Variants in AHSA1 observed in about 807,000 individuals in gnomAD.
The protein encoded by AHSA1 is activator of 90 kDa heat shock protein ATPase homolog 1.
Under a neutral mutation model 46.1 loss-of-function variants are expected in AHSA1, and 14 were observed. The ratio of observed to expected loss-of-function variants is 0.30; its 90% CI spans 0.20 to 0.47. The LOEUF is 0.47. AHSA1 is among the 20% of genes least tolerant of loss of function. The pLI, the probability that AHSA1 is intolerant of heterozygous loss-of-function variation, is 0.99. For missense variants in AHSA1, 333 were observed against 415.9 expected (o/e 0.80, Z 1.73); for synonymous variants, 147 against 145.8 (o/e 1.01, Z -0.06).
At chr14:77,462,866 G>T (rs2079031689) in intron 4 of AHSA1, 107 bp downstream of exon 4, 1 of 919,974 alleles carries the variant, frequency 1.1e-6, no homozygotes. Context: ...AAAGATTTGG[G>T]GGGAGGGGGC....
intron 1 of AHSA1, among the ~76,000 whole-genome samples, chr14:77,458,631 GA>G: frequency 6.6e-6 from 1 of 152,260 alleles, no homozygotes; most frequent in Non-Finnish European, 1.5e-5. Flanking sequence ...AGATAGCTGT[GA>G]AAGGCCTAAG....
chr14:77,460,097 T>C (rs2079015212), intron 2 of AHSA1: 1 of 421,368 alleles, frequency 2.4e-6, no homozygotes, highest in Admixed American at 3.9e-5. Flanking sequence ...TTCTTCAGAC[T>C]AGCTACATGT....
At position 77,462,308 on chromosome 14, in the gene AHSA1, C is replaced by T. The variant is rs2079029214; in HGVS notation, c.354+66C>T. ...TCTTATTCTCAGATGAGAAAAGTGA[C>T]CTGTCATTCAGGATTCATAGCCCAG... On this transcript the variant is annotated intron_variant, in intron 3 of 8. Coordinates refer to ENST00000216479, the MANE Select transcript of AHSA1 (RefSeq NM_012111.3). 7 of 1,471,164 alleles carry T rather than the reference C, an allele frequency of 4.8e-6. No individual in the cohort carries two copies. In the South Asian group the frequency reaches 8.1e-5, roughly 17 times the overall value. 91.1% of individuals were successfully genotyped at this position (1,471,164 alleles called of 1,614,324 possible).
At chr14:77,464,285 G>A (rs557417556) in intron 4 of AHSA1, among the ~76,000 whole-genome samples, 16 of 152,284 alleles carry the variant, frequency 1.1e-4, no homozygotes, top group African/African-American at 3.9e-4. Flanking sequence ...GCTGAGGCAG[G>A]AGAATAGCTT....
Position 77,468,252 on chromosome 14 carries a change from T to C in AHSA1, c.792+68T>C, listed in dbSNP as rs747096028. The C allele has an allele frequency of 1.3e-5, 16 of 1,219,520 alleles. No individual in the cohort carries two copies. The African/African-American group carries it at 2.5e-4, about 19-fold the overall frequency. 75.5% of individuals were successfully genotyped at this position (1,219,520 alleles called of 1,614,324 possible). A position where few individuals can be genotyped will look rare whatever the true frequency, so the allele number is the denominator to read the frequency against. On this transcript the variant is annotated intron_variant, in intron 7 of 8. Coordinates refer to ENST00000216479, the MANE Select transcript of AHSA1 (RefSeq NM_012111.3). ...CAGATGAGTGACATTTCTCTTTTTC[T>C]GAACTCTATAGGTAAAATGTAAGGC...
chr14:77,468,359 C>T, intron 7 of AHSA1, 98 bp from the exon 8 acceptor site: 2 of 1,273,964 alleles, frequency 1.6e-6, no homozygotes, highest in Admixed American at 4.1e-5. Flanking sequence ...TATAATTGCA[C>T]AGATGGTAGA....
At chr14:77,467,689 G>A (rs145822764) in intron 6 of AHSA1, among the ~76,000 whole-genome samples, 8,662 of 147,052 alleles carry the variant, frequency 0.059, 433 homozygotes, top group Admixed American at 0.17. Flanking sequence ...GTGAGACTCC[G>A]TCTCAATAAA....
At chr14:77,463,802 G>C (rs1226999248) in intron 4 of AHSA1, among the ~76,000 whole-genome samples, 1 of 152,124 alleles carries the variant, frequency 6.6e-6, no homozygotes. Flanking sequence ...TTCTGATCTT[G>C]GTGTTGGAAT....
Position 77,465,551 on chromosome 14 carries a change from C to G in AHSA1, c.574C>G (p.Pro192Ala). The G allele has an allele frequency of 1.2e-6, 2 of 1,613,946 alleles. No individual in the cohort carries two copies. Among genetic ancestry groups the G allele is most frequent in the Non-Finnish European group, 1.7e-6 (2 of 1,179,822 alleles). Residue 192 changes from proline to alanine, a missense_variant, in exon 6 of 9, where the codon CCT (proline) becomes GCT (alanine). By Grantham distance (27) the Pro-to-Ala change is conservative (BLOSUM62 -1). Transcript: ENST00000216479. ...KTEERKAKPA[P>A]SKTQARPVGV... Reference sequence around the variant, plus strand: ...GCCACCTTCACAGGCTAAGCCTGCTCCTTCAAAAACCCAGGCCAGACCTGT... The same window carrying G: ...GCCACCTTCACAGGCTAAGCCTGCTGCTTCAAAAACCCAGGCCAGACCTGT...
intron 8 of AHSA1, chr14:77,468,745 T>A (rs55746737): frequency 0.022 from 7,710 of 357,170 alleles, 92 homozygotes; most frequent in Non-Finnish European, 0.029. Flanking sequence ...TTTTTTTTTT[T>A]ACTTTTTTAC....
Position 77,459,680 on chromosome 14 carries a change from G to A in AHSA1, c.145G>A (p.Val49Ile), listed in dbSNP as rs746739634. 1 of 1,614,218 alleles carries A rather than the reference G, an allele frequency of 6.2e-7. No homozygotes were observed. Among genetic ancestry groups the A allele is most frequent in the Non-Finnish European group, 8.5e-7 (1 of 1,180,042 alleles). The change falls in exon 2 of 9, where the codon GTT (valine) becomes ATT (isoleucine). Residue 49 changes from valine (V) to isoleucine (I), a missense_variant. Physicochemically the swap from Val to Ile is conservative, Grantham distance 29. Transcript: ENST00000216479. ...KLKTLFLAVQ[V>I]QNEEGKCEVT... ...GAAAACACTGTTCCTGGCAGTGCAG[G>A]TTCAAAATGAAGAAGGCAAGTGTGA...
At chr14:77,460,632 C>G (rs1438154212) in intron 2 of AHSA1, among the ~76,000 whole-genome samples, 1 of 149,666 alleles carries the variant, frequency 6.7e-6, no homozygotes, top group Admixed American at 6.7e-5. Flanking sequence ...GTGGCACGAT[C>G]TTGGCTCACT....
At position 77,469,362 on chromosome 14, in the gene AHSA1, C is replaced by G. The variant is rs1375970307; in HGVS notation, c.*113C>G. 2 of 1,356,462 alleles carry G rather than the reference C, an allele frequency of 1.5e-6. No individual in the cohort carries two copies. The highest frequency in any genetic ancestry group is 2.9e-5 in the African/African-American group (2 of 68,976). The allele number at this position is 1,356,462 out of a possible 1,614,324, so 84.0% of individuals were successfully genotyped here. ...CCAGCTGCTAACTTGGGGCCGGGGC[C>G]CCTCCCTTCCACATATACCTTGGGT... On this transcript the variant is annotated 3_prime_UTR_variant, in exon 9 of 9. Coordinates refer to ENST00000216479, the MANE Select transcript of AHSA1 (RefSeq NM_012111.3).
chr14:77,468,234 G>A (rs1236629073), intron 7 of AHSA1, 50 bp downstream of exon 7: 2 of 1,294,768 alleles, frequency 1.5e-6, no homozygotes, highest in African/African-American at 3.0e-5. Flanking sequence ...GGTCAGATGA[G>A]TGACATTTCT....
In AHSA1 at chr14:77,462,764, C is replaced by G. The variant is rs768312417; in HGVS notation, c.472+5C>G. On this transcript the variant is annotated splice_donor_5th_base_variant and intron_variant, in intron 4 of 8. Coordinates refer to ENST00000216479, the MANE Select transcript of AHSA1 (RefSeq NM_012111.3). ...ACATCAGCACCCTCAAAACAGGTAT[C>G]CCTTGAGTAGTTCTGTATGCCTTAA... The G allele has an allele frequency of 6.2e-7, 1 of 1,611,654 alleles. No individual in the cohort carries two copies. Among genetic ancestry groups the G allele is most frequent in the Non-Finnish European group, 8.5e-7 (1 of 1,177,852 alleles).
intron 6 of AHSA1, among the ~76,000 whole-genome samples, chr14:77,467,838 A>G (rs2079054227): frequency 6.6e-6 from 1 of 152,252 alleles, no homozygotes; most frequent in Admixed American, 6.5e-5. Context: ...ACCATATACA[A>G]TTTCAAATAA....
intron 8 of AHSA1, 33 bp downstream of exon 8, chr14:77,468,541 G>T (rs2139945020): frequency 4.0e-6 from 6 of 1,491,086 alleles, no homozygotes; most frequent in South Asian, 1.2e-5. Context: ...ATTACCCCCA[G>T]AACTTTTTCT....
intron 2 of AHSA1, chr14:77,460,340 G>T: frequency 6.2e-6 from 1 of 161,272 alleles, no homozygotes; most frequent in Non-Finnish European, 1.4e-5. Context: ...ACTGTCGGGA[G>T]CCTGAATGTA....
chr14:77,458,980 T>C lies in AHSA1; in HGVS notation c.81-636T>C, dbSNP rs542830572. Reference sequence around the variant, plus strand: ...TACTTTGTTGCAGCCTTTTTTGCTGTTGTTTTCTCTAATAGTTGATAAGTA... The same window carrying C: ...TACTTTGTTGCAGCCTTTTTTGCTGCTGTTTTCTCTAATAGTTGATAAGTA... On this transcript the variant is annotated intron_variant, in intron 1 of 8. Transcript: ENST00000216479. Among the ~76,000 whole-genome samples the C allele has an allele frequency of 2.6e-5, 4 of 152,374 alleles. No individual in the cohort carries two copies. In the East Asian group the frequency reaches 5.8e-4, roughly 22 times the overall value.
Sources: gnomAD v4.1 joint callset for allele counts (sites outside exome capture counted in the v4.1 genomes callset) on GRCh38, gnomAD v4.1.1 for gene constraint, MANE v1.5 for transcripts, NCBI Gene and HGNC (gene_info 2026-07-23, HGNC 2026-07-21) for gene names.